PRKCE: variants seen among roughly 807,000 people sequenced by gnomAD.
The protein encoded by PRKCE is protein kinase C epsilon, also known as protein kinase C epsilon type.
PRKCE carries 16 observed loss-of-function variants against 85.4 expected under a neutral mutation model. The ratio of observed to expected loss-of-function variants is 0.19; its 90% CI spans 0.13 to 0.28. The LOEUF is 0.28. PRKCE is among the 10% of genes least tolerant of loss of function. The probability of loss-of-function intolerance (pLI) is 1.00; values close to 1 mark genes in which losing one functional copy is unlikely to be tolerated. For missense variants in PRKCE, 573 were observed against 975.2 expected (o/e 0.59, Z 5.49); for synonymous variants, 388 against 371.5 (o/e 1.04, Z -0.51).
At chr2:46,028,249 G>A (rs1707270237) in intron 10 of PRKCE, among the ~76,000 whole-genome samples, 1 of 152,196 alleles carries the variant, frequency 6.6e-6, no homozygotes, top group Admixed American at 6.5e-5. Context: ...GCCGAAGGTT[G>A]GGATTCTTAA....
At chr2:46,112,846 T>A (rs1672403838) in intron 11 of PRKCE, among the ~76,000 whole-genome samples, 1 of 152,192 alleles carries the variant, frequency 6.6e-6, no homozygotes, top group South Asian at 2.1e-4. Context: ...CTATTTGTTA[T>A]ATTCATTTTT....
intron 1 of PRKCE, among the ~76,000 whole-genome samples, chr2:45,717,127 A>G (rs1048327933): frequency 2.6e-5 from 4 of 152,178 alleles, no homozygotes; most frequent in African/African-American, 9.7e-5. Flanking sequence ...CAAGGTCCCT[A>G]AGTGAAAGGA....
At chr2:45,813,062 C>T (rs1016389442) in intron 1 of PRKCE, among the ~76,000 whole-genome samples, 2 of 152,260 alleles carry the variant, frequency 1.3e-5, no homozygotes, top group African/African-American at 2.4e-5. Context: ...CCGCTGGCGG[C>T]CCAGGAATGA....
At chr2:46,181,439 A>C (rs867257614) in intron 14 of PRKCE, among the ~76,000 whole-genome samples, 1 of 152,220 alleles carries the variant, frequency 6.6e-6, no homozygotes, top group Non-Finnish European at 1.5e-5. Context: ...GAAGAATGGC[A>C]TACTCTCTCA....
chr2:45,703,647 T>A (rs1678868897), intron 1 of PRKCE, among the ~76,000 whole-genome samples: 1 of 152,170 alleles, frequency 6.6e-6, no homozygotes. Flanking sequence ...AGGACAAACA[T>A]GGGCTCTCTG....
At chr2:46,133,394 C>G (rs1008182220) in intron 11 of PRKCE, among the ~76,000 whole-genome samples, 11 of 152,186 alleles carry the variant, frequency 7.2e-5, no homozygotes, top group African/African-American at 2.7e-4. Context: ...GTACTCTGGC[C>G]TCATGTCCAT....
chr2:45,691,812 C>T (rs893222257), intron 1 of PRKCE, among the ~76,000 whole-genome samples: 7 of 152,264 alleles, frequency 4.6e-5, no homozygotes, highest in South Asian at 2.1e-4. Context: ...TTTCCTGTAG[C>T]GGACACCTGC....
chr2:45,744,401 CTCTT>C (rs1379523178), intron 1 of PRKCE, among the ~76,000 whole-genome samples: 77 of 151,260 alleles, frequency 5.1e-4, no homozygotes, highest in African/African-American at 1.7e-3. Flanking sequence ...TGGTCTTTCT[CTCTT>C]TCTTTTCTTT....
intron 2 of PRKCE, among the ~76,000 whole-genome samples, chr2:45,929,247 G>A (rs1037377426): frequency 6.6e-6 from 1 of 152,172 alleles, no homozygotes; most frequent in East Asian, 1.9e-4. Context: ...TATATAACAC[G>A]TGCTAAAAAT....
chr2:46,107,822 T>G (rs1043418318), intron 11 of PRKCE, among the ~76,000 whole-genome samples: 2 of 152,226 alleles, frequency 1.3e-5, no homozygotes, highest in Non-Finnish European at 1.5e-5. Flanking sequence ...TTACACATCT[T>G]TTCCTATCTT....
chr2:45,980,190 A>G (rs1433039058), intron 4 of PRKCE, 106 bp from the exon 5 acceptor site: 47 of 996,836 alleles, frequency 4.7e-5, no homozygotes, highest in Middle Eastern at 5.2e-4. Context: ...TCAGTGGCAG[A>G]AGGGGCCTGG....
At chr2:45,653,032 A>G (rs1475687179) in intron 1 of PRKCE, among the ~76,000 whole-genome samples, 1 of 152,178 alleles carries the variant, frequency 6.6e-6, no homozygotes, top group Non-Finnish European at 1.5e-5. Context: ...GGTCCCAGAA[A>G]CATCAGTCGA....
chr2:46,017,676 C>A (rs2104849617), intron 10 of PRKCE, among the ~76,000 whole-genome samples: 1 of 152,300 alleles, frequency 6.6e-6, no homozygotes, highest in East Asian at 1.9e-4. Flanking sequence ...CAACAGTGCA[C>A]CAGGGTTCTG....
intron 2 of PRKCE, among the ~76,000 whole-genome samples, chr2:45,857,191 C>G (rs1468981083): frequency 6.6e-6 from 1 of 152,126 alleles, no homozygotes; most frequent in Non-Finnish European, 1.5e-5. Context: ...AGCTGGTTCC[C>G]TAAGTTGCAC....
chr2:46,012,338 A>T (rs1391359247), intron 10 of PRKCE, among the ~76,000 whole-genome samples: 1 of 147,812 alleles, frequency 6.8e-6, no homozygotes, highest in Non-Finnish European at 1.5e-5. Context: ...TTTTGGTACC[A>T]GTGAGAAAAT....
rs761984491 is a variant in PRKCE, at chr2:45,978,962, A to G, written c.573-14A>G. On this transcript the variant is annotated splice_polypyrimidine_tract_variant and intron_variant, in intron 3 of 14. Transcript: ENST00000306156. ...ATTTCACTTTTTTTAAAAAAATGTTATTCTTCTTTTCAGGGGTGTCATAGG... is the reference window on the plus strand; with the variant it reads ...ATTTCACTTTTTTTAAAAAAATGTTGTTCTTCTTTTCAGGGGTGTCATAGG... 2 of 1,597,822 alleles carry G rather than the reference A, an allele frequency of 1.3e-6. No individual in the cohort carries two copies. Among genetic ancestry groups the G allele is most frequent in the Admixed American group, 1.7e-5 (1 of 59,670 alleles).
chr2:45,984,578 A>C lies in PRKCE; in HGVS notation c.721A>C (p.Met241Leu), dbSNP rs757276934. 19 of 1,599,698 alleles carry C rather than the reference A, an allele frequency of 1.2e-5. No individual in the cohort carries two copies. The highest frequency in any genetic ancestry group is 1.5e-5 in the Non-Finnish European group (18 of 1,179,884). ...QVGSQRFSVN[M>L]PHKFGIHNYK... ...GGGCTCCCAGCGGTTCAGCGTCAAC[A>C]TGCCCCACAAGTTCGGTATCCACAA... is the stretch of plus-strand genomic sequence containing the variant. Residue 241 changes from methionine to leucine, a missense_variant, in exon 6 of 15, where the codon ATG (methionine) becomes CTG (leucine). Physicochemically the swap from Met to Leu is conservative, Grantham distance 15 (BLOSUM62 2). Coordinates refer to ENST00000306156, the MANE Select transcript of PRKCE (RefSeq NM_005400.3).
chr2:46,107,024 A>C (rs983410740), intron 11 of PRKCE, among the ~76,000 whole-genome samples: 19 of 152,340 alleles, frequency 1.2e-4, no homozygotes, highest in African/African-American at 4.6e-4. Flanking sequence ...TGAGTGTATT[A>C]AGTTTCACTC....
At chr2:45,927,562 CA>C (rs1276083780) in intron 2 of PRKCE, among the ~76,000 whole-genome samples, 10 of 152,170 alleles carry the variant, frequency 6.6e-5, no homozygotes, top group African/African-American at 2.4e-4. Context: ...ACCTCTGGGC[CA>C]GTCTGTACTG....
Sources: gnomAD v4.1 joint callset for allele counts (sites outside exome capture counted in the v4.1 genomes callset) on GRCh38, gnomAD v4.1.1 for gene constraint, MANE v1.5 for transcripts, NCBI Gene and HGNC (gene_info 2026-07-23, HGNC 2026-07-21) for gene names.